TYW1B: variants seen among roughly 807,000 people sequenced by gnomAD.
TYW1B encodes the protein tRNA-yW synthesizing protein 1 homolog B.
Under a neutral mutation model 86.9 loss-of-function variants are expected in TYW1B, and 73 were observed. The observed-to-expected ratio is 0.84, with a 90% CI of 0.70 to 1.02. The LOEUF is 1.02. Among genes scored for constraint, TYW1B ranks in the 50% least tolerant of loss-of-function variants. The probability of loss-of-function intolerance (pLI) is 0.00; values close to 1 mark genes in which losing one functional copy is unlikely to be tolerated. For synonymous variants in TYW1B, 248 were observed against 292.8 expected (o/e 0.85, Z 1.56); for missense variants, 637 against 827.4 (o/e 0.77, Z 2.82).
chr7:72,670,437 C>T (rs1159443497), intron 11 of TYW1B, among the ~76,000 whole-genome samples: 3 of 152,198 alleles, frequency 2.0e-5, no homozygotes, highest in Non-Finnish European at 4.4e-5. Flanking sequence ...GTGATCCACC[C>T]GCCTTGGCCT....
intron 11 of TYW1B, among the ~76,000 whole-genome samples, chr7:72,643,901 G>A (rs1379004449): frequency 1.3e-5 from 2 of 152,030 alleles, no homozygotes; most frequent in South Asian, 2.1e-4. Context: ...ATTTTATGAG[G>A]TCACCATAAT....
rs1406290185 is a variant in TYW1B, at chr7:72,717,302, A to G, written c.1193-3504T>C. Among the ~76,000 whole-genome samples, 1,025 of 136,930 alleles carry G rather than the reference A, an allele frequency of 7.5e-3. 13 individuals are homozygous for G. Among genetic ancestry groups the G allele is most frequent in the African/African-American group, 0.025 (883 of 35,550 alleles). 89.8% of individuals were successfully genotyped at this position (136,930 alleles called of 152,430 possible). Reference sequence around the variant, plus strand: ...GGCAACAGGGCAAGACCCTGTCTGGAAAAAAAAAAAAAAAAATCATGCAGT... The same window carrying G: ...GGCAACAGGGCAAGACCCTGTCTGGGAAAAAAAAAAAAAAAATCATGCAGT... On this transcript the variant is annotated intron_variant, in intron 9 of 13. Transcript: ENST00000620995.
chr7:72,797,484 G>C (rs782160860), intron 6 of TYW1B, among the ~76,000 whole-genome samples: 104 of 152,104 alleles, frequency 6.8e-4, no homozygotes, highest in Admixed American at 7.2e-4. Context: ...GACCGTTTCT[G>C]ATCTGTGGCC....
intron 2 of TYW1B, among the ~76,000 whole-genome samples, chr7:72,821,004 A>T (rs573731369): frequency 6.6e-6 from 1 of 152,160 alleles, no homozygotes; most frequent in Admixed American, 6.6e-5. Context: ...ACAAGGTTTC[A>T]CTCTGTCCCC....
At chr7:72,731,174 A>C (rs1389904516) in intron 8 of TYW1B, among the ~76,000 whole-genome samples, 1 of 150,810 alleles carries the variant, frequency 6.6e-6, no homozygotes, top group Non-Finnish European at 1.5e-5. Context: ...TATCCTCTGG[A>C]AATGAAGGAG....
At chr7:72,602,386 G>A (rs1811686779) in intron 13 of TYW1B, among the ~76,000 whole-genome samples, 1 of 152,154 alleles carries the variant, frequency 6.6e-6, no homozygotes, top group Admixed American at 6.5e-5. Flanking sequence ...TCCATCGGGG[G>A]ATGGATTAGA....
intron 11 of TYW1B, among the ~76,000 whole-genome samples, chr7:72,652,816 A>C (rs1199174687): frequency 2.2e-4 from 33 of 152,226 alleles, no homozygotes; most frequent in Non-Finnish European, 4.3e-4. Flanking sequence ...ATGAGATGTA[A>C]CCTTACTAAA....
chr7:72,818,815 C>T (rs1554479915), intron 2 of TYW1B, among the ~76,000 whole-genome samples: 1 of 151,770 alleles, frequency 6.6e-6, no homozygotes, highest in Non-Finnish European at 1.5e-5. Context: ...TTTTAAACAG[C>T]CAGATCTCAT....
intron 9 of TYW1B, among the ~76,000 whole-genome samples, chr7:72,728,302 T>TTTTA (rs1204788775): frequency 9.2e-5 from 14 of 152,082 alleles, no homozygotes; most frequent in Non-Finnish European, 7.4e-5. Flanking sequence ...TTGCTAAACT[T>TTTTA]TTTATTTATT....
intron 11 of TYW1B, among the ~76,000 whole-genome samples, chr7:72,652,919 T>C (rs1325006760): frequency 5.9e-5 from 9 of 152,148 alleles, no homozygotes; most frequent in Admixed American, 4.6e-4. Context: ...ATCCGAAATA[T>C]GTGCAAAGGT....
At chr7:72,669,974 A>AATACATAC (rs1554446050) in intron 11 of TYW1B, among the ~76,000 whole-genome samples, 1 of 123,010 alleles carries the variant, frequency 8.1e-6, no homozygotes, top group African/African-American at 2.7e-5. Context: ...TAAATAAATA[A>AATACATAC]ATAAAGATTA....
chr7:72,720,672 C>A (rs1476119088), intron 9 of TYW1B, among the ~76,000 whole-genome samples: 4 of 152,136 alleles, frequency 2.6e-5, no homozygotes, highest in Non-Finnish European at 4.4e-5. Context: ...AAAAACAAAG[C>A]CTCAAGGACT....
chr7:72,806,773 C>T (rs1554476761), intron 5 of TYW1B, among the ~76,000 whole-genome samples: 1 of 152,018 alleles, frequency 6.6e-6, no homozygotes. Flanking sequence ...AACTCCACCT[C>T]CTACGTAGCT....
intron 7 of TYW1B, among the ~76,000 whole-genome samples, chr7:72,749,724 CTT>C (rs1170711681): frequency 7.1e-5 from 10 of 140,632 alleles, no homozygotes; most frequent in African/African-American, 7.7e-5. Flanking sequence ...CTTCCATTTT[CTT>C]TTTTTTTTTT....
intron 10 of TYW1B, among the ~76,000 whole-genome samples, chr7:72,701,081 A>C (rs1206991464): frequency 6.6e-6 from 1 of 152,042 alleles, no homozygotes; most frequent in Non-Finnish European, 1.5e-5. Flanking sequence ...AAAAAAAAGA[A>C]AAGAAAATGC....
chr7:72,744,741 C>G (rs566791120), intron 7 of TYW1B, 140 bp from the exon 8 acceptor site: 1 of 977,176 alleles, frequency 1.0e-6, no homozygotes, highest in Non-Finnish European at 1.6e-6. Flanking sequence ...GCAGGAAATT[C>G]GCATCAGAGC....
chr7:72,689,165 T>C (rs1554449941), intron 11 of TYW1B, among the ~76,000 whole-genome samples: 1 of 151,944 alleles, frequency 6.6e-6, no homozygotes, highest in Non-Finnish European at 1.5e-5. Flanking sequence ...TTGGCACCGA[T>C]GATGAGAGGT....
intron 2 of TYW1B, among the ~76,000 whole-genome samples, chr7:72,818,140 C>A: frequency 6.6e-6 from 1 of 151,572 alleles, no homozygotes; most frequent in East Asian, 1.9e-4. Context: ...CCATGTGGTA[C>A]CTATTCCTCC....
chr7:72,715,980 G>A (rs1423853157), intron 9 of TYW1B, among the ~76,000 whole-genome samples: 1 of 152,158 alleles, frequency 6.6e-6, no homozygotes, highest in Non-Finnish European at 1.5e-5. Context: ...ACCCAGGCTG[G>A]ATTGCAGTGG....
Sources: allele counts gnomAD v4.1 joint callset (sites outside exome capture counted in the v4.1 genomes callset), GRCh38; gene constraint gnomAD v4.1.1; transcripts MANE v1.5; gene names NCBI Gene and HGNC (gene_info 2026-07-23, HGNC 2026-07-21).